CLDN10: variants seen among roughly 807,000 people sequenced by gnomAD.
The protein encoded by CLDN10 is claudin-10.
CLDN10 carries 15 observed loss-of-function variants against 22.9 expected under a neutral mutation model. The observed-to-expected ratio is 0.65, with a 90% CI of 0.44 to 1.01. The LOEUF is 1.01. Ranked by LOEUF, CLDN10 falls within the 50% of genes least tolerant of loss-of-function variation. The pLI, the probability that CLDN10 is intolerant of heterozygous loss-of-function variation, is 0.00. For synonymous variants in CLDN10, 114 were observed against 111.4 expected (o/e 1.02, Z -0.15); for missense variants, 247 against 287.8 (o/e 0.86, Z 1.03).
intron 1 of CLDN10, among the ~76,000 whole-genome samples, chr13:95,471,453 A>ATATATATTTTTTT (rs776857009): frequency 1.5e-3 from 161 of 106,338 alleles, no homozygotes; most frequent in African/African-American, 6.1e-3. Context: ...ATATATATAT[A>ATATATATTTTTTT]TTTTTTTTTT....
chr13:95,472,771 T>G (rs2042648138), intron 1 of CLDN10, among the ~76,000 whole-genome samples: 1 of 151,932 alleles, frequency 6.6e-6, no homozygotes, highest in South Asian at 2.1e-4. Flanking sequence ...GTTTTTAATT[T>G]GAGAGTGTGG....
At chr13:95,497,771 G>A (rs557185300) in intron 1 of CLDN10, among the ~76,000 whole-genome samples, 6 of 152,260 alleles carry the variant, frequency 3.9e-5, no homozygotes, top group Middle Eastern at 3.4e-3. Flanking sequence ...CAGCCAAAGA[G>A]TAAGTTGCCA....
intron 1 of CLDN10, among the ~76,000 whole-genome samples, chr13:95,472,221 GA>G (rs1487820398): frequency 6.6e-6 from 1 of 152,116 alleles, no homozygotes. Flanking sequence ...GGCCATGGGA[GA>G]AAATCCAGTG....
At chr13:95,438,358 GC>G (rs2042292067) in intron 1 of CLDN10, among the ~76,000 whole-genome samples, 2 of 152,212 alleles carry the variant, frequency 1.3e-5, no homozygotes, top group South Asian at 4.1e-4. Flanking sequence ...TCCAGCCTAG[GC>G]CTCCCAGAGT....
At chr13:95,433,767 A>T in exon 1 of CLDN10, 1 of 1,543,398 alleles carries the variant, frequency 6.5e-7, no homozygotes. Flanking sequence ...AGTGTTCTCT[A>T]TCGGCTGCAT....
rs781323865 is a variant in CLDN10, at chr13:95,495,760, AAAAG to A, written c.214+61733_214+61736del. On this transcript the variant is annotated intron_variant, in intron 1 of 4. Coordinates refer to the CLDN10 transcript ENST00000376873. Reference sequence around the variant, plus strand: ...CTCCACCTCAAAAAAAAAAAAAAAGAAAAGAAAGAAAGAAAGAAAGAAATGAAGC... The same window carrying A: ...CTCCACCTCAAAAAAAAAAAAAAAGAAAAGAAAGAAAGAAAGAAATGAAGC... Among the ~76,000 whole-genome samples the A allele has an allele frequency of 2.2e-4, 28 of 129,362 alleles. 1 individual carries two copies. The highest frequency in any genetic ancestry group is 8.6e-4 in the East Asian group (4 of 4,662). 84.9% of individuals were successfully genotyped at this position (129,362 alleles called of 152,430 possible). A position where few individuals can be genotyped will look rare whatever the true frequency, so the allele number is the denominator to read the frequency against.
chr13:95,455,758 T>C (rs2042476894), intron 1 of CLDN10, among the ~76,000 whole-genome samples: 2 of 152,222 alleles, frequency 1.3e-5, no homozygotes, highest in African/African-American at 4.8e-5. Context: ...TAACTGTATA[T>C]TGACCTGAAT....
At chr13:95,481,638 T>A (rs372984646) in intron 1 of CLDN10, among the ~76,000 whole-genome samples, 15 of 152,324 alleles carry the variant, frequency 9.8e-5, no homozygotes, top group South Asian at 8.3e-4. Flanking sequence ...CCAGGAAAAC[T>A]TCATTTGTGA....
At chr13:95,556,033 A>G (rs2043634719) in intron 1 of CLDN10, among the ~76,000 whole-genome samples, 1 of 151,872 alleles carries the variant, frequency 6.6e-6, no homozygotes, top group Non-Finnish European at 1.5e-5. Flanking sequence ...CGACGAGGTC[A>G]TTATTCTGAA....
At chr13:95,495,047 T>A (rs201313138) in intron 1 of CLDN10, among the ~76,000 whole-genome samples, 18 of 120,772 alleles carry the variant, frequency 1.5e-4, no homozygotes, top group African/African-American at 4.6e-4. Context: ...TAATTAATTT[T>A]TTTTTTTAGA....
intron 1 of CLDN10, among the ~76,000 whole-genome samples, chr13:95,450,177 G>C (rs989821819): frequency 6.6e-6 from 1 of 152,208 alleles, no homozygotes; most frequent in Non-Finnish European, 1.5e-5. Context: ...ACCTGGCCTT[G>C]TGTGTCAGTT....
At chr13:95,484,432 A>T in intron 1 of CLDN10, among the ~76,000 whole-genome samples, 1 of 152,286 alleles carries the variant, frequency 6.6e-6, no homozygotes, top group South Asian at 2.1e-4. Flanking sequence ...TTAAAGGAAA[A>T]TATTGGTAAA....
rs77104873 is a variant in CLDN10 at position 95,436,216 on chromosome 13, C to T, written c.214+2169C>T. ...TTATTGTTTTTGAGACAGAACCTTG[C>T]TTTGTTGCCAAGGTTGGAGTGCAGT... On this transcript the variant is annotated intron_variant, in intron 1 of 4. Transcript: ENST00000376873. Among the ~76,000 whole-genome samples, 14 of 152,266 alleles carry T rather than the reference C, an allele frequency of 9.2e-5. No individual in the cohort carries two copies. The East Asian group carries it at 2.7e-3, about 29-fold the overall frequency.
At chr13:95,461,226 GTGA>G (rs1444792079) in intron 1 of CLDN10, among the ~76,000 whole-genome samples, 1 of 152,210 alleles carries the variant, frequency 6.6e-6, no homozygotes, top group Non-Finnish European at 1.5e-5. Context: ...GATTACAGAT[GTGA>G]GCCACCATGC....
At chr13:95,540,601 C>A (rs2043450159) in intron 1 of CLDN10, among the ~76,000 whole-genome samples, 1 of 152,196 alleles carries the variant, frequency 6.6e-6, no homozygotes, top group South Asian at 2.1e-4. Context: ...TATATGCATT[C>A]TTTGAAAATA....
intron 1 of CLDN10, among the ~76,000 whole-genome samples, chr13:95,519,217 A>T (rs1270934970): frequency 6.6e-6 from 1 of 152,212 alleles, no homozygotes; most frequent in Non-Finnish European, 1.5e-5. Context: ...ACAGTGGCTT[A>T]AAGATCTGGG....
upstream of CLDN10, among the ~76,000 whole-genome samples, chr13:95,549,599 T>C (rs1375469286): frequency 2.0e-5 from 3 of 152,232 alleles, no homozygotes; most frequent in African/African-American, 7.2e-5. Flanking sequence ...CATTACATAA[T>C]ATTATCTAGG....
At chr13:95,498,218 C>T (rs1173593612) in intron 1 of CLDN10, among the ~76,000 whole-genome samples, 3 of 152,192 alleles carry the variant, frequency 2.0e-5, no homozygotes, top group Admixed American at 6.5e-5. Context: ...TGCCTTCTCA[C>T]TACTGTTTCA....
chr13:95,518,081 C>A (rs1053990441), intron 1 of CLDN10, among the ~76,000 whole-genome samples: 6 of 152,050 alleles, frequency 3.9e-5, no homozygotes, highest in African/African-American at 1.4e-4. Flanking sequence ...ATTAAGAAGT[C>A]TGGGACAAGC....
Sources: allele counts gnomAD v4.1 joint callset (sites outside exome capture counted in the v4.1 genomes callset), GRCh38; gene constraint gnomAD v4.1.1; transcripts MANE v1.5; gene names NCBI Gene and HGNC (gene_info 2026-07-23, HGNC 2026-07-21).